SAMD5: variants seen among roughly 807,000 people sequenced by gnomAD.
SAMD5 encodes sterile alpha motif domain containing 5, also known as sterile alpha motif domain-containing protein 5.
In SAMD5, 13 loss-of-function variants were observed where a neutral mutation model predicts 11.3. The observed-to-expected ratio is 1.15, with a 90% CI of 0.75 to 1.83. The LOEUF (loss-of-function observed/expected upper bound fraction) is 1.83. Ranked by LOEUF, SAMD5 falls within the 40% of genes most tolerant of loss-of-function variation. The probability of loss-of-function intolerance (pLI) is 0.00; values close to 1 mark genes in which losing one functional copy is unlikely to be tolerated. For synonymous variants in SAMD5, 129 were observed against 111.3 expected (o/e 1.16, Z -1.00); for missense variants, 255 against 239.1 (o/e 1.07, Z -0.44).
chr6:147,900,481 C>T, the SAMD5 span, among the ~76,000 whole-genome samples: 2 of 152,182 alleles, frequency 1.3e-5, no homozygotes, highest in South Asian at 2.1e-4. Context: ...GGTAGTAAGA[C>T]CAGCCCCGTA....
At chr6:147,537,596 C>CA (rs34115551) in intron 1 of SAMD5, among the ~76,000 whole-genome samples, 80,193 of 150,660 alleles carry the variant, frequency 0.53, 21,579 homozygotes, top group East Asian at 0.68. Flanking sequence ...ACTAAAAATA[C>CA]AAAAAAAAAT....
the SAMD5 span, among the ~76,000 whole-genome samples, chr6:147,809,818 T>A: frequency 6.6e-6 from 1 of 152,214 alleles, no homozygotes; most frequent in Non-Finnish European, 1.5e-5. Context: ...CTGTAAAATG[T>A]TTAGCAGCCT....
At chr6:147,604,396 A>C (rs144259095) in intron 1 of SAMD5, among the ~76,000 whole-genome samples, 122 of 152,330 alleles carry the variant, frequency 8.0e-4, no homozygotes, top group Middle Eastern at 3.4e-3. Flanking sequence ...TGAGGAAATT[A>C]TGCCCCTTTC....
the SAMD5 span, among the ~76,000 whole-genome samples, chr6:147,877,827 C>A: frequency 6.2e-5 from 8 of 128,414 alleles, no homozygotes; most frequent in Middle Eastern, 4.1e-3. Flanking sequence ...AGTCTCTTTC[C>A]CTCTCTCCTT....
the SAMD5 span, among the ~76,000 whole-genome samples, chr6:147,934,464 G>A: frequency 1.3e-5 from 2 of 152,222 alleles, no homozygotes; most frequent in South Asian, 4.1e-4. Flanking sequence ...GGTCAGGTGT[G>A]TGTGTGTCAG....
the SAMD5 span, among the ~76,000 whole-genome samples, chr6:147,775,387 T>G: frequency 6.6e-6 from 1 of 152,186 alleles, no homozygotes; most frequent in East Asian, 1.9e-4. Context: ...ATAGAGTGTT[T>G]ATATAGCACC....
rs1417302783 is a variant in SAMD5 at position 147,564,423 on chromosome 6, A to G, written c.489A>G (p.Leu163=). 1 of 781,134 alleles carries G rather than the reference A, an allele frequency of 1.3e-6. No homozygotes were observed. 48.4% of individuals were successfully genotyped at this position (781,134 alleles called of 1,614,324 possible). ...CAATGGCTGGCATCCTAGAGTACTT[A>G]ATGAATTGGCCGAAGTCATCACAGA... ...KVPMAGILEY[L]MNWPKSSQSR Residue 163 remains leucine, a synonymous_variant, in exon 2 of 2, where the codon TTA becomes TTG. Coordinates refer to ENST00000367474, the MANE Select transcript of SAMD5 (RefSeq NM_001030060.3).
the SAMD5 span, among the ~76,000 whole-genome samples, chr6:147,757,673 T>C: frequency 6.6e-6 from 1 of 152,194 alleles, no homozygotes; most frequent in Non-Finnish European, 1.5e-5. Flanking sequence ...TTAAATGCAC[T>C]GAGAGGAACT....
At chr6:147,871,057 T>C in the SAMD5 span, among the ~76,000 whole-genome samples, 1 of 152,212 alleles carries the variant, frequency 6.6e-6, no homozygotes, top group Non-Finnish European at 1.5e-5. Flanking sequence ...TTGATTCTGT[T>C]GTTTTGATAT....
At chr6:147,853,806 T>G in the SAMD5 span, among the ~76,000 whole-genome samples, 9 of 152,302 alleles carry the variant, frequency 5.9e-5, no homozygotes, top group East Asian at 1.5e-3. Context: ...CGTGTAACAA[T>G]CCCTTTAAGT....
At chr6:147,691,995 C>CACA (rs34208483) in intron 1 of SAMD5, among the ~76,000 whole-genome samples, 4,549 of 148,828 alleles carry the variant, frequency 0.031, 220 homozygotes, top group African/African-American at 0.1. Context: ...ACACACACAC[C>CACA]CCCCTGATTG....
intron 1 of SAMD5, among the ~76,000 whole-genome samples, chr6:147,665,614 G>A (rs1353480472): frequency 6.6e-6 from 1 of 152,148 alleles, no homozygotes; most frequent in Non-Finnish European, 1.5e-5. Flanking sequence ...ACCTCCTGCT[G>A]CTTTAGGAAA....
chr6:147,701,276 A>T lies in SAMD5; in HGVS notation c.163-36041A>T, dbSNP rs140564946. ...ATAAGCATAATATATGATAAATATA[A>T]AAAATTATATATAAGCATGCATATA... On this transcript the variant is annotated intron_variant, in intron 1 of 1. Coordinates refer to the SAMD5 transcript ENST00000566741. Among the ~76,000 whole-genome samples, 302 of 152,276 alleles carry T rather than the reference A, an allele frequency of 2.0e-3. 1 individual carries two copies. Among genetic ancestry groups the T allele is most frequent in the African/African-American group, 6.9e-3 (285 of 41,566 alleles).
At chr6:147,649,755 C>A (rs890998908) in intron 1 of SAMD5, among the ~76,000 whole-genome samples, 2 of 149,888 alleles carry the variant, frequency 1.3e-5, no homozygotes, top group Non-Finnish European at 2.9e-5. Context: ...CGCGCCACTG[C>A]GCTCCAGCCT....
the SAMD5 span, among the ~76,000 whole-genome samples, chr6:147,846,031 G>A: frequency 6.6e-6 from 1 of 152,006 alleles, no homozygotes; most frequent in African/African-American, 2.4e-5. Context: ...ACTGTGGGAT[G>A]CTATTCAGCA....
rs183007281 is a variant in SAMD5 at position 147,611,613 on chromosome 6, A to G, written c.162+102226A>G. On this transcript the variant is annotated intron_variant, in intron 1 of 1. Coordinates refer to the SAMD5 transcript ENST00000566741. ...AATAAATCACCGCAGAAAGTGAGGG[A>G]CAACCACTGTGACCTGCAGTGGGGG... Among the ~76,000 whole-genome samples, 302 of 152,304 alleles carry G rather than the reference A, an allele frequency of 2.0e-3. 2 individuals carry two copies. The highest frequency in any genetic ancestry group is 2.6e-3 in the Non-Finnish European group (177 of 68,032).
intron 1 of SAMD5, among the ~76,000 whole-genome samples, chr6:147,720,820 G>A (rs1294520175): frequency 6.8e-6 from 1 of 146,022 alleles, no homozygotes; most frequent in Non-Finnish European, 1.5e-5. Flanking sequence ...CTAGCATTAG[G>A]TATATCTCCC....
At chr6:147,771,376 T>C in the SAMD5 span, among the ~76,000 whole-genome samples, 1 of 152,202 alleles carries the variant, frequency 6.6e-6, no homozygotes, top group Non-Finnish European at 1.5e-5. Context: ...TCTCTATCCT[T>C]TCCCTCACAC....
intron 1 of SAMD5, among the ~76,000 whole-genome samples, chr6:147,558,604 G>A (rs921581322): frequency 4.6e-5 from 7 of 151,466 alleles, no homozygotes; most frequent in East Asian, 1.9e-4. Context: ...TCTCCCCCCC[G>A]TCCTCCTAGA....
Sources: allele counts gnomAD v4.1 joint callset (sites outside exome capture counted in the v4.1 genomes callset), GRCh38; gene constraint gnomAD v4.1.1; transcripts MANE v1.5; gene names NCBI Gene and HGNC (gene_info 2026-07-23, HGNC 2026-07-21).